CSMD1: variants seen among roughly 807,000 people sequenced by gnomAD.
CSMD1 encodes CUB and Sushi multiple domains 1.
CSMD1 carries 213 observed loss-of-function variants against 417.5 expected under a neutral mutation model. That is an observed-to-expected ratio of 0.51 (90% CI 0.46 to 0.57). CSMD1 has a LOEUF of 0.57. CSMD1 is among the 20% of genes least tolerant of loss of function. The pLI is 0.00. For synonymous variants in CSMD1, 2,862 were observed against 1,736.8 expected (o/e 1.65, Z -16.11); for missense variants, 6,923 against 4,529.7 (o/e 1.53, Z -15.17).
intron 3 of CSMD1, among the ~76,000 whole-genome samples, chr8:4,216,288 G>T (rs140988740): frequency 1.2e-4 from 19 of 152,106 alleles, no homozygotes; most frequent in African/African-American, 3.4e-4. Context: ...TCTCCCTGTG[G>T]TTGCCTAGTC....
intron 10 of CSMD1, among the ~76,000 whole-genome samples, chr8:3,521,058 G>A (rs1308145410): frequency 2.0e-5 from 3 of 152,120 alleles, no homozygotes; most frequent in South Asian, 4.1e-4. Context: ...TATGCCTCCA[G>A]TCACACACAA....
At chr8:4,949,390 C>G (rs1356426357) in intron 1 of CSMD1, among the ~76,000 whole-genome samples, 1 of 152,126 alleles carries the variant, frequency 6.6e-6, no homozygotes, top group African/African-American at 2.4e-5. Flanking sequence ...TCATCTATAC[C>G]TTCAACATGT....
At chr8:4,433,289 C>T (rs141912739) in intron 2 of CSMD1, among the ~76,000 whole-genome samples, 5 of 152,184 alleles carry the variant, frequency 3.3e-5, no homozygotes, top group East Asian at 1.9e-4. Flanking sequence ...CACCCTGGTC[C>T]GTAGAAAAAC....
intron 1 of CSMD1, among the ~76,000 whole-genome samples, chr8:4,881,205 A>C (rs1047833945): frequency 2.0e-5 from 3 of 152,114 alleles, no homozygotes; most frequent in African/African-American, 7.3e-5. Context: ...TGAAAAATAA[A>C]TTATACATAG....
At chr8:4,874,146 T>G (rs117242322) in intron 1 of CSMD1, among the ~76,000 whole-genome samples, 1,584 of 152,184 alleles carry the variant, frequency 0.01, 9 homozygotes, top group Non-Finnish European at 0.016. Context: ...AACTTTATCT[T>G]TTTCAAAATA....
In CSMD1 at chr8:4,930,429, G is replaced by A. The variant is rs79869540; in HGVS notation, c.85+63903C>T. The stretch of plus-strand genomic sequence containing the variant: ...CATGCACACATCATTTTGAGAAGTG[G>A]CGCTTAAAGAGAAATTTGACATACT... On this transcript the variant is annotated intron_variant, in intron 1 of 69. Coordinates refer to ENST00000635120, the MANE Select transcript of CSMD1 (RefSeq NM_033225.6). Among the ~76,000 whole-genome samples, 217 of 152,150 alleles carry A rather than the reference G, an allele frequency of 1.4e-3. 7 individuals are homozygous for A. In the East Asian group the frequency reaches 0.016, roughly 11 times the overall value.
chr8:4,576,392 C>G (rs976642484), intron 2 of CSMD1, among the ~76,000 whole-genome samples: 22 of 152,378 alleles, frequency 1.4e-4, no homozygotes, highest in South Asian at 4.1e-4. Context: ...TTCCCCTGTC[C>G]CATTCCCCAG....
intron 33 of CSMD1, among the ~76,000 whole-genome samples, chr8:3,194,000 G>C (rs1212548871): frequency 6.6e-6 from 1 of 152,180 alleles, no homozygotes; most frequent in South Asian, 2.1e-4. Context: ...AAGTGAAGCA[G>C]TTTTCTTTTT....
chr8:4,936,421 TA>T (rs1418489869), intron 1 of CSMD1, among the ~76,000 whole-genome samples: 10 of 152,206 alleles, frequency 6.6e-5, no homozygotes, highest in Admixed American at 2.0e-4. Flanking sequence ...CAAATTGATA[TA>T]AATAGAAAAA....
intron 3 of CSMD1, among the ~76,000 whole-genome samples, chr8:4,234,118 T>A (rs1801905709): frequency 6.6e-6 from 1 of 151,816 alleles, no homozygotes; most frequent in African/African-American, 2.4e-5. Context: ...GCTACAGGAG[T>A]TAAATGAAAT....
chr8:4,623,864 G>C (rs10113503), intron 2 of CSMD1, among the ~76,000 whole-genome samples: 2 of 151,984 alleles, frequency 1.3e-5, no homozygotes, highest in African/African-American at 4.8e-5. Context: ...ATGGATGACC[G>C]GGGTCACAAG....
intron 3 of CSMD1, among the ~76,000 whole-genome samples, chr8:4,389,803 A>G (rs1048820209): frequency 6.6e-6 from 1 of 152,122 alleles, no homozygotes; most frequent in Non-Finnish European, 1.5e-5. Context: ...AAGCCTTACA[A>G]CTACTTTATT....
At chr8:4,169,731 G>A (rs1246421662) in intron 3 of CSMD1, among the ~76,000 whole-genome samples, 2 of 152,066 alleles carry the variant, frequency 1.3e-5, no homozygotes, top group Non-Finnish European at 2.9e-5. Context: ...ATTCTCACTT[G>A]TGGAGGTTCA....
At chr8:4,722,503 G>C (rs1366360391) in intron 1 of CSMD1, among the ~76,000 whole-genome samples, 1 of 152,054 alleles carries the variant, frequency 6.6e-6, no homozygotes, top group Non-Finnish European at 1.5e-5. Context: ...TAGGACTTGG[G>C]AGGATTGCTG....
At chr8:4,028,401 A>T (rs1216964710) in intron 4 of CSMD1, among the ~76,000 whole-genome samples, 2 of 152,148 alleles carry the variant, frequency 1.3e-5, no homozygotes, top group African/African-American at 4.8e-5. Context: ...AATACATACT[A>T]GCTTGTGGGG....
intron 3 of CSMD1, among the ~76,000 whole-genome samples, chr8:4,133,310 G>C (rs1758176601): frequency 6.6e-6 from 1 of 152,176 alleles, no homozygotes; most frequent in African/African-American, 2.4e-5. Context: ...GTTTATACTG[G>C]AATGAGGACA....
intron 62 of CSMD1, among the ~76,000 whole-genome samples, chr8:2,960,616 T>C (rs1003959432): frequency 1.4e-4 from 22 of 152,168 alleles, no homozygotes; most frequent in African/African-American, 5.3e-4. Flanking sequence ...AAATGATATT[T>C]AGTACGCTAA....
Position 3,891,139 on chromosome 8 carries a change from C to G in CSMD1, c.818+106764G>C, listed in dbSNP as rs540536681. Among the ~76,000 whole-genome samples, 267 of 152,148 alleles carry G rather than the reference C, an allele frequency of 1.8e-3. 1 individual carries two copies. The highest frequency in any genetic ancestry group is 1.6e-3 in the Non-Finnish European group (110 of 68,008). On this transcript the variant is annotated intron_variant, in intron 5 of 69. Transcript: ENST00000635120. ...TCTTGGCTCATTACAACCTCCACCTCTTGGGCTTAAGTGATCCTCCCTCAG... is the reference window on the plus strand; with the variant it reads ...TCTTGGCTCATTACAACCTCCACCTGTTGGGCTTAAGTGATCCTCCCTCAG...
At chr8:3,672,357 G>C (rs1333230613) in intron 7 of CSMD1, among the ~76,000 whole-genome samples, 1 of 152,064 alleles carries the variant, frequency 6.6e-6, no homozygotes, top group African/African-American at 2.4e-5. Flanking sequence ...GTTGTAGTGT[G>C]TGTCGGCATT....
Sources: gnomAD v4.1 joint callset for allele counts (sites outside exome capture counted in the v4.1 genomes callset) on GRCh38, gnomAD v4.1.1 for gene constraint, MANE v1.5 for transcripts, NCBI Gene and HGNC (gene_info 2026-07-23, HGNC 2026-07-21) for gene names.